CCNE2: variants seen among roughly 807,000 people sequenced by gnomAD.
CCNE2 encodes cyclin E2.
A neutral mutation model predicts 56.8 loss-of-function variants in CCNE2; 18 were observed. The ratio of observed to expected loss-of-function variants is 0.32; its 90% confidence interval spans 0.22 to 0.47. The LOEUF is 0.47. Among genes scored for constraint, CCNE2 ranks in the 20% least tolerant of loss-of-function variants. CCNE2 has a pLI of 1.00. For synonymous variants in CCNE2, 139 were observed against 149.2 expected (o/e 0.93, Z 0.50); for missense variants, 371 against 467.1 (o/e 0.79, Z 1.90).
At chr8:94,889,503 T>C (rs1463129319) in intron 6 of CCNE2, among the ~76,000 whole-genome samples, 1 of 152,206 alleles carries the variant, frequency 6.6e-6, no homozygotes, top group East Asian at 1.9e-4. Context: ...CAAAACCCAA[T>C]GCCTTCTTGT....
chr8:94,891,972 G>A lies in CCNE2; in HGVS notation c.317+846C>T, dbSNP rs1817264275. 5.2e-6 allele frequency: 5 copies of A among 970,788 alleles called. No individual in the cohort carries two copies. In the South Asian group the frequency reaches 6.4e-5, roughly 12 times the overall value. 60.1% of individuals were successfully genotyped at this position (970,788 alleles called of 1,614,324 possible). A position where few individuals can be genotyped will look rare whatever the true frequency, so the allele number is the denominator to read the frequency against. ...CTCATGGTCGGATTAACTCACACGT[G>A]ATCTCTCCCTGCCACATCGAAATGA... On this transcript the variant is annotated intron_variant, in intron 5 of 11. Coordinates refer to ENST00000308108, the MANE Select transcript of CCNE2 (RefSeq NM_057749.3).
chr8:94,894,828 TG>T (rs1447762872), intron 1 of CCNE2, among the ~76,000 whole-genome samples: 1 of 151,774 alleles, frequency 6.6e-6, no homozygotes, highest in African/African-American at 2.4e-5. Context: ...GCGGAGGGCG[TG>T]GGGGAGGGCA....
intron 5 of CCNE2, among the ~76,000 whole-genome samples, chr8:94,891,007 C>T (rs1194885179): frequency 3.9e-5 from 6 of 152,106 alleles, no homozygotes; most frequent in Non-Finnish European, 7.3e-5. Context: ...TTGGAAGAAG[C>T]TCTTAAAGTA....
At chr8:94,886,875 A>G (rs1817058365) in intron 7 of CCNE2, among the ~76,000 whole-genome samples, 1 of 152,204 alleles carries the variant, frequency 6.6e-6, no homozygotes, top group Admixed American at 6.5e-5. Context: ...CCCACATAGG[A>G]GAACAGGCTA....
chr8:94,882,849 T>C lies in CCNE2; in HGVS notation c.875A>G (p.Gln292Arg). 1 of 1,613,850 alleles carries C rather than the reference T, an allele frequency of 6.2e-7. No individual in the cohort carries two copies. The highest frequency in any genetic ancestry group is 8.5e-7 in the Non-Finnish European group (1 of 1,179,842). The change falls in exon 10 of 12, where the codon CAG becomes CGG. Residue 292 changes from glutamine (Q) to arginine (R), a missense_variant. Gln to Arg is a conservative substitution (Grantham distance 43). Transcript: ENST00000308108. ...CILAIDSLEFQYRILTAAALC... is the reference protein window; with the variant it reads ...CILAIDSLEFRYRILTAAALC... ...GGCAGCAGCAGTCAGTATTCTGTAC[T>C]GGAACTCTAATGAATCAATGGCTAG...
At chr8:94,888,451 T>G (rs569306616) in intron 6 of CCNE2, among the ~76,000 whole-genome samples, 3 of 152,288 alleles carry the variant, frequency 2.0e-5, no homozygotes, top group African/African-American at 7.2e-5. Context: ...TTCTACACTT[T>G]TAGGGAAAGA....
intron 6 of CCNE2, among the ~76,000 whole-genome samples, chr8:94,889,678 T>C (rs1192303473): frequency 1.3e-5 from 2 of 152,236 alleles, no homozygotes; most frequent in East Asian, 1.9e-4. Flanking sequence ...TCCCTTAGAA[T>C]GCTTCATCTC....
chr8:94,887,134 A>G (rs1817067393), intron 7 of CCNE2, among the ~76,000 whole-genome samples: 1 of 152,234 alleles, frequency 6.6e-6, no homozygotes, highest in Admixed American at 6.5e-5. Context: ...ATGTATTAAG[A>G]AAAGTAAATT....
chr8:94,891,473 ACATGGTGAAACC>A (rs893172139), intron 5 of CCNE2: 1 of 285,202 alleles, frequency 3.5e-6, no homozygotes, highest in African/African-American at 2.3e-5. Flanking sequence ...AGCCTGGCCA[ACATGGTGAAACC>A]CCGTCTCCAC....
Position 94,881,165 on chromosome 8 carries a change from T to TTTAA in CCNE2, c.*463_*466dup, listed in dbSNP as rs1346053512. 2.3e-5 allele frequency: 9 copies of TTTAA among 390,122 alleles called. No homozygotes were observed. Among genetic ancestry groups the TTTAA allele is most frequent in the Non-Finnish European group, 3.6e-5 (8 of 221,108 alleles). The allele number at this position is 390,122 out of a possible 1,614,324, so 24.2% of individuals were successfully genotyped here. ...CTAAACCTTTGTAAACAAGTTTAAA[T>TTTAA]TTAATTTTCAAGAACCAAATTGCAC... On this transcript the variant is annotated 3_prime_UTR_variant, in exon 12 of 12. Transcript: ENST00000308108.
At chr8:94,883,169 G>A (rs1277115350) in intron 9 of CCNE2, among the ~76,000 whole-genome samples, 2 of 151,992 alleles carry the variant, frequency 1.3e-5, no homozygotes, top group African/African-American at 4.8e-5. Flanking sequence ...CCAGCTACTC[G>A]GGAGGCTGAG....
chr8:94,893,806 C>T lies in CCNE2; in HGVS notation c.165+85G>A, dbSNP rs28399556. 111 of 1,343,264 alleles carry T rather than the reference C, an allele frequency of 8.3e-5. 1 individual carries two copies. In the African/African-American group the frequency reaches 1.5e-3, roughly 19 times the overall value. The allele number at this position is 1,343,264 out of a possible 1,614,324, so 83.2% of individuals were successfully genotyped here. ...AAGTAAAAGTGTCAGAGGAATCTAT[C>T]GCAAAGCAATAAACACATAATTCTA... On this transcript the variant is annotated intron_variant, in intron 4 of 11. Coordinates refer to ENST00000308108, the MANE Select transcript of CCNE2 (RefSeq NM_057749.3).
chr8:94,890,081 C>G (rs1433295820), intron 6 of CCNE2, among the ~76,000 whole-genome samples: 1 of 152,170 alleles, frequency 6.6e-6, no homozygotes, highest in African/African-American at 2.4e-5. Flanking sequence ...AGTTCTAGTT[C>G]TTCACTTTGT....
intron 5 of CCNE2, 39 bp from the exon 6 acceptor site, chr8:94,890,589 A>AT (rs1817197332): frequency 1.6e-4 from 84 of 520,734 alleles, no homozygotes; most frequent in South Asian, 9.0e-4. Flanking sequence ...ATATATATAT[A>AT]TATTTTTTTT....
Position 94,885,138 on chromosome 8 carries a change from C to G in CCNE2, c.760G>C (p.Asp254His). 6.2e-7 allele frequency: 1 copy of G among 1,613,398 alleles called. No individual in the cohort carries two copies. The highest frequency in any genetic ancestry group is 8.5e-7 in the Non-Finnish European group (1 of 1,179,492). The stretch of plus-strand genomic sequence containing the variant: ...ACTTTAGGAGCATCTTTAAGAGCAT[C>G]AACTTGGAGAAAGAGATTTAGCCAG... ...ISWLNLFLQVDALKDAPKVLL... is the reference protein window; with the variant it reads ...ISWLNLFLQVHALKDAPKVLL... Residue 254 changes from aspartate (D) to histidine (H), a missense_variant, in exon 9 of 12, where the codon GAT (aspartate) becomes CAT (histidine). Coordinates refer to ENST00000308108, the MANE Select transcript of CCNE2 (RefSeq NM_057749.3).
At chr8:94,894,309 A>G in intron 1 of CCNE2, 62 bp from the exon 2 acceptor site, 1 of 1,555,946 alleles carries the variant, frequency 6.4e-7, no homozygotes, top group Non-Finnish European at 8.8e-7. Flanking sequence ...TCCAAGTGCC[A>G]GTAAGACGCT....
intron 9 of CCNE2, among the ~76,000 whole-genome samples, chr8:94,884,307 T>TA (rs1816948530): frequency 6.6e-6 from 1 of 151,850 alleles, no homozygotes; most frequent in East Asian, 1.9e-4. Flanking sequence ...TAAGATTACT[T>TA]ACGAGAAGTA....
intron 11 of CCNE2, 22 bp from the exon 12 acceptor site, chr8:94,881,767 G>A (rs1816825679): frequency 6.2e-7 from 1 of 1,611,496 alleles, no homozygotes; most frequent in East Asian, 2.2e-5. Context: ...AAGAAATCAT[G>A]CACTGATTTC....
At chr8:94,882,658 G>A in intron 10 of CCNE2, 123 bp downstream of exon 10, 2 of 683,232 alleles carry the variant, frequency 2.9e-6, no homozygotes, top group Non-Finnish European at 5.1e-6. Flanking sequence ...GATAATTACT[G>A]AACAGCTAAT....
Sources: gnomAD v4.1 joint callset for allele counts (sites outside exome capture counted in the v4.1 genomes callset) on GRCh38, gnomAD v4.1.1 for gene constraint, MANE v1.5 for transcripts, NCBI Gene and HGNC (gene_info 2026-07-23, HGNC 2026-07-21) for gene names.